Variants in CAPZB observed in about 807,000 individuals in gnomAD.
CAPZB encodes capping actin protein of muscle Z-line subunit beta.
CAPZB carries 2 observed loss-of-function variants against 38.1 expected under a neutral mutation model. That is an observed-to-expected ratio of 0.05 (90% CI 0.02 to 0.17). The LOEUF is 0.17. Ranked by LOEUF, CAPZB falls within the 10% of genes least tolerant of loss-of-function variation. The pLI is 1.00. For synonymous variants in CAPZB, 107 were observed against 127.4 expected (o/e 0.84, Z 1.08); for missense variants, 161 against 334.2 (o/e 0.48, Z 4.04).
chr1:19,464,441 G>A (rs893927628), intron 1 of CAPZB, among the ~76,000 whole-genome samples: 21 of 151,532 alleles, frequency 1.4e-4, no homozygotes, highest in Non-Finnish European at 1.3e-4. Context: ...ACAGGTGCCC[G>A]CCACCATGCC....
chr1:19,485,323 G>A (rs1046643557), intron 1 of CAPZB, 113 bp downstream of exon 1: 15 of 728,968 alleles, frequency 2.1e-5, no homozygotes, highest in Non-Finnish European at 2.6e-5. Context: ...CCGGGACCCC[G>A]CCCCTCCCCC....
intron 2 of CAPZB, among the ~76,000 whole-genome samples, chr1:19,409,307 T>C (rs1298733780): frequency 2.0e-5 from 3 of 152,048 alleles, no homozygotes; most frequent in African/African-American, 7.2e-5. Flanking sequence ...GGGGATCCAC[T>C]TCATTAGAAA....
intron 2 of CAPZB, among the ~76,000 whole-genome samples, chr1:19,413,562 G>A (rs1321426915): frequency 1.3e-5 from 2 of 152,140 alleles, no homozygotes; most frequent in East Asian, 3.9e-4. Flanking sequence ...TCAAACTCCT[G>A]AGCTCAAGCA....
chr1:19,376,298 A>T (rs2094144238), intron 4 of CAPZB, among the ~76,000 whole-genome samples: 1 of 152,186 alleles, frequency 6.6e-6, no homozygotes, highest in South Asian at 2.1e-4. Context: ...AAATCTAGCA[A>T]ACACTTTCAA....
At chr1:19,450,949 AC>A (rs1415284036) in intron 1 of CAPZB, among the ~76,000 whole-genome samples, 1 of 152,230 alleles carries the variant, frequency 6.6e-6, no homozygotes, top group African/African-American at 2.4e-5. Flanking sequence ...GATGTGTATT[AC>A]TTGTAAGAAT....
intron 2 of CAPZB, among the ~76,000 whole-genome samples, chr1:19,406,211 T>C (rs1253166971): frequency 6.6e-6 from 1 of 152,166 alleles, no homozygotes; most frequent in Admixed American, 6.5e-5. Flanking sequence ...GCGGGACTAT[T>C]CCTCCCCCAC....
At chr1:19,465,928 G>A (rs575290918) in intron 1 of CAPZB, among the ~76,000 whole-genome samples, 1 of 152,222 alleles carries the variant, frequency 6.6e-6, no homozygotes, top group East Asian at 1.9e-4. Context: ...CTTCTTACCT[G>A]CTTGACCTCA....
At chr1:19,448,131 C>T (rs971277304) in intron 1 of CAPZB, among the ~76,000 whole-genome samples, 3 of 152,332 alleles carry the variant, frequency 2.0e-5, no homozygotes, top group African/African-American at 4.8e-5. Context: ...CAGCCAACTG[C>T]GCATCAAGGG....
At chr1:19,380,388 C>T (rs928565691) in intron 3 of CAPZB, among the ~76,000 whole-genome samples, 7 of 152,220 alleles carry the variant, frequency 4.6e-5, no homozygotes, top group African/African-American at 1.7e-4. Context: ...CCCTGCTGCC[C>T]CATGAGCAGC....
At chr1:19,344,312 A>T (rs766380571) in intron 8 of CAPZB, 46 bp downstream of exon 8, 1 of 1,517,442 alleles carries the variant, frequency 6.6e-7, no homozygotes, top group South Asian at 1.1e-5. Context: ...GCCAGGGTTC[A>T]AATCCCTCTG....
intron 2 of CAPZB, among the ~76,000 whole-genome samples, chr1:19,410,161 C>A (rs558877799): frequency 1.3e-5 from 2 of 152,332 alleles, no homozygotes; most frequent in East Asian, 3.9e-4. Context: ...GCTGTCTTCA[C>A]GCACTGCCTG....
At chr1:19,375,738 G>A (rs140936031) in intron 4 of CAPZB, among the ~76,000 whole-genome samples, 105 of 152,336 alleles carry the variant, frequency 6.9e-4, no homozygotes, top group East Asian at 5.8e-3. Context: ...CAGAGGCAGC[G>A]TGAAGAGTGA....
chr1:19,405,920 C>A (rs113741449), intron 2 of CAPZB, among the ~76,000 whole-genome samples: 16 of 152,294 alleles, frequency 1.1e-4, no homozygotes, highest in African/African-American at 3.8e-4. Context: ...CTGCTCACAC[C>A]CCCTCTCCTG....
intron 1 of CAPZB, chr1:19,449,109 GTTCCA>G: frequency 2.1e-6 from 3 of 1,418,084 alleles, no homozygotes. Flanking sequence ...AACCCCAGCA[GTTCCA>G]TTGCCACAAA....
At chr1:19,382,951 C>T (rs747434123) in intron 3 of CAPZB, among the ~76,000 whole-genome samples, 2 of 152,120 alleles carry the variant, frequency 1.3e-5, no homozygotes, top group Non-Finnish European at 2.9e-5. Flanking sequence ...CTTCACTGGA[C>T]TTCTCTCTCT....
intron 2 of CAPZB, among the ~76,000 whole-genome samples, chr1:19,396,578 G>A (rs1413638320): frequency 2.0e-5 from 3 of 152,150 alleles, no homozygotes; most frequent in African/African-American, 4.8e-5. Flanking sequence ...AGGCAAGCAC[G>A]GGGTAGCTGC....
chr1:19,475,456 G>A (rs1240990617), intron 1 of CAPZB, among the ~76,000 whole-genome samples: 1 of 152,212 alleles, frequency 6.6e-6, no homozygotes, highest in African/African-American at 2.4e-5. Context: ...AATGTCAGCT[G>A]CTGTTAGGAT....
At chr1:19,472,004 T>C (rs2094590291) in intron 1 of CAPZB, among the ~76,000 whole-genome samples, 1 of 152,164 alleles carries the variant, frequency 6.6e-6, no homozygotes, top group African/African-American at 2.4e-5. Context: ...TTCTCCTACG[T>C]GCTCTCCATC....
rs201882034 is a variant in CAPZB at position 19,366,283 on chromosome 1, A to AATATATATATATAT, written c.330-8734_330-8721dup. Reference sequence around the variant, plus strand: ...GCAACATAGTGAGACCGTGTCTTAAAATATATATATATATATATATATATA... The same window carrying AATATATATATATAT: ...GCAACATAGTGAGACCGTGTCTTAAAATATATATATATATATATATATATATATATATATATATA... On this transcript the variant is annotated intron_variant, in intron 4 of 8. Transcript: ENST00000264202. Among the ~76,000 whole-genome samples the AATATATATATATAT allele has an allele frequency of 1.5e-3, 90 of 60,480 alleles. 3 individuals are homozygous for AATATATATATATAT. The highest frequency in any genetic ancestry group is 7.2e-3 in the Middle Eastern group (1 of 138). The allele number at this position is 60,480 out of a possible 152,430, so 39.7% of individuals were successfully genotyped here. A position where few individuals can be genotyped will look rare whatever the true frequency, so the allele number is the denominator to read the frequency against.
Sources: allele counts gnomAD v4.1 joint callset (sites outside exome capture counted in the v4.1 genomes callset), GRCh38; gene constraint gnomAD v4.1.1; transcripts MANE v1.5; gene names NCBI Gene and HGNC (gene_info 2026-07-23, HGNC 2026-07-21).